The following RBM47 variants were observed in gnomAD, a reference collection of about 807,000 sequenced individuals.
The protein encoded by RBM47 is RNA-binding protein 47.
A neutral mutation model predicts 47.1 loss-of-function variants in RBM47; 21 were observed. The observed-to-expected ratio is 0.45, with a 90% CI of 0.32 to 0.64. The LOEUF is 0.64. Among genes scored for constraint, RBM47 ranks in the 30% least tolerant of loss-of-function variants. RBM47 has a pLI of 0.05. For missense variants in RBM47, 708 were observed against 870.9 expected (o/e 0.81, Z 2.35); for synonymous variants, 375 against 361.7 (o/e 1.04, Z -0.42).
At chr4:40,500,117 C>A (rs1208276980) in intron 2 of RBM47, among the ~76,000 whole-genome samples, 2 of 152,266 alleles carry the variant, frequency 1.3e-5, no homozygotes, top group Non-Finnish European at 2.9e-5. Context: ...GAGTTCGAGA[C>A]CAGCCTCGCC....
At chr4:40,516,538 G>C (rs1725603076) in intron 2 of RBM47, among the ~76,000 whole-genome samples, 1 of 152,170 alleles carries the variant, frequency 6.6e-6, no homozygotes, top group Admixed American at 6.5e-5. Context: ...GGGATTACAG[G>C]CATGAGCCAC....
At chr4:40,549,921 C>T (rs1292102652) in intron 1 of RBM47, among the ~76,000 whole-genome samples, 37 of 152,136 alleles carry the variant, frequency 2.4e-4, no homozygotes, top group Non-Finnish European at 3.5e-4. Flanking sequence ...CCACCCGCCT[C>T]GGCCTCCCAA....
intron 6 of RBM47, among the ~76,000 whole-genome samples, chr4:40,431,425 A>G (rs112178366): frequency 0.12 from 17,663 of 152,084 alleles, 1,344 homozygotes; most frequent in Non-Finnish European, 0.16. Flanking sequence ...TTGGGAGGCC[A>G]AGGTGGGCGG....
intron 6 of RBM47, 41 bp downstream of exon 6, chr4:40,432,610 G>T (rs777351744): frequency 6.2e-7 from 1 of 1,608,586 alleles, no homozygotes. Flanking sequence ...TTAAAGAGAG[G>T]CTTCACACAC....
At chr4:40,462,118 C>A (rs936582380) in intron 3 of RBM47, among the ~76,000 whole-genome samples, 1 of 152,104 alleles carries the variant, frequency 6.6e-6, no homozygotes, top group Admixed American at 6.6e-5. Flanking sequence ...GAGAACAGCG[C>A]CCGTCCAGTG....
At chr4:40,535,371 C>CTTTTTTTTTTTTTTTTTTTTTT (rs1177127352) in intron 2 of RBM47, among the ~76,000 whole-genome samples, 8 of 103,434 alleles carry the variant, frequency 7.7e-5, no homozygotes, top group East Asian at 3.1e-4. Context: ...TATGGTATTT[C>CTTTTTTTTTTTTTTTTTTTTTT]TTTTTTTTTT....
intron 1 of RBM47, among the ~76,000 whole-genome samples, chr4:40,570,522 T>C (rs1272274435): frequency 6.6e-6 from 1 of 151,896 alleles, no homozygotes; most frequent in Non-Finnish European, 1.5e-5. Context: ...GGAACGACTG[T>C]AAATACAGAT....
intron 1 of RBM47, among the ~76,000 whole-genome samples, chr4:40,562,941 C>A (rs1330505853): frequency 1.3e-5 from 2 of 152,204 alleles, no homozygotes; most frequent in Non-Finnish European, 1.5e-5. Flanking sequence ...GCTGTACCCC[C>A]AAAAGGGTCA....
At chr4:40,611,598 G>A (rs928145105) in intron 1 of RBM47, among the ~76,000 whole-genome samples, 39 of 152,044 alleles carry the variant, frequency 2.6e-4, no homozygotes, top group African/African-American at 8.7e-4. Flanking sequence ...GTATCGTGGC[G>A]CATGCCTGTA....
chr4:40,484,993 C>CT (rs368591791), intron 2 of RBM47, among the ~76,000 whole-genome samples: 1,575 of 151,176 alleles, frequency 0.01, 20 homozygotes, highest in East Asian at 0.033. Flanking sequence ...AAGATTGTCT[C>CT]TTTTTTTTTG....
intron 2 of RBM47, among the ~76,000 whole-genome samples, chr4:40,517,031 C>T (rs1725659114): frequency 6.6e-6 from 1 of 152,084 alleles, no homozygotes; most frequent in South Asian, 2.1e-4. Context: ...CCATGAGCAC[C>T]CCTCTTGGGT....
At position 40,628,966 on chromosome 4, in the gene RBM47, T is replaced by G. The variant is rs896317058; in HGVS notation, c.-240+430A>C. ...CCGAGTGTTACTTTCAGACGTAAAT[T>G]ACTGCAGGAAGACCCCCCTCTGCCT... On this transcript the variant is annotated intron_variant, in intron 1 of 6. Coordinates refer to ENST00000295971, the MANE Select transcript of RBM47 (RefSeq NM_001098634.2). The surrounding 1 kb of genome is among the most constrained non-coding windows in gnomAD (Gnocchi z 4.0). 6.6e-6 allele frequency among the ~76,000 whole-genome samples: 1 copy of G among 152,182 alleles called. No individual in the cohort carries two copies. The highest frequency in any genetic ancestry group is 1.5e-5 in the Non-Finnish European group (1 of 68,022).
Position 40,431,462 on chromosome 4 carries a change from T to G in RBM47, c.1542+1189A>C, listed in dbSNP as rs1348781498. Among the ~76,000 whole-genome samples, 3 of 151,994 alleles carry G rather than the reference T, an allele frequency of 2.0e-5. No individual in the cohort carries two copies. The East Asian group carries it at 5.8e-4, about 30-fold the overall frequency. On this transcript the variant is annotated intron_variant, in intron 6 of 6. Transcript: ENST00000295971. ...TCACGAGGTCAGGAGATTGAGACTA[T>G]CCTGGCTGACACGGTGAAACCCCGT... is the stretch of plus-strand genomic sequence containing the variant.
rs762929085 is a variant in RBM47 at position 40,432,726 on chromosome 4, A to G, written c.1467T>C (p.Ala489=). The G allele has an allele frequency of 1.2e-6, 2 of 1,612,160 alleles. No homozygotes were observed. The highest frequency in any genetic ancestry group is 1.3e-5 in the African/African-American group (1 of 74,962). The part of the protein sequence containing the change: ...PIAVQPDPAS[A]AAAAAAAAAA... ...CTGCGGCCGCGGCTGCGGCGGCAGC[A>G]GCACTGGCTGGGTCTGGCTGCACAG... Residue 489 remains alanine, a synonymous_variant, in exon 6 of 7, where the codon GCT becomes GCC. Coordinates refer to ENST00000295971, the MANE Select transcript of RBM47 (RefSeq NM_001098634.2).
At chr4:40,568,916 G>C (rs1731375079) in intron 1 of RBM47, among the ~76,000 whole-genome samples, 1 of 151,800 alleles carries the variant, frequency 6.6e-6, no homozygotes, top group Non-Finnish European at 1.5e-5. Flanking sequence ...GGGAGGCGGA[G>C]GTTACAGTGA....
At chr4:40,482,221 G>A (rs535088962) in intron 2 of RBM47, among the ~76,000 whole-genome samples, 1 of 152,210 alleles carries the variant, frequency 6.6e-6, no homozygotes, top group South Asian at 2.1e-4. Flanking sequence ...CTTCCTGGAG[G>A]AGGTATAACT....
intron 2 of RBM47, among the ~76,000 whole-genome samples, chr4:40,502,370 G>C (rs1167716853): frequency 6.6e-6 from 1 of 152,156 alleles, no homozygotes; most frequent in Non-Finnish European, 1.5e-5. Context: ...GGTCTGAATT[G>C]AAGGGAAGTC....
rs558772170 is a variant in RBM47 at position 40,509,954 on chromosome 4, A to AG, written c.-155+34467dup. ...GTAATCCCAGCACTTTGGGAGGCTG[A>AG]GGGGGGGTGGGTCACTTGAGGTCAG... On this transcript the variant is annotated intron_variant, in intron 2 of 6. Coordinates refer to ENST00000295971, the MANE Select transcript of RBM47 (RefSeq NM_001098634.2). Among the ~76,000 whole-genome samples the AG allele has an allele frequency of 2.4e-3, 364 of 151,318 alleles. 2 individuals are homozygous for AG. The highest frequency in any genetic ancestry group is 6.4e-3 in the African/African-American group (264 of 41,264).
chr4:40,588,572 GAGAGCCT>G (rs1733815164), intron 1 of RBM47, among the ~76,000 whole-genome samples: 1 of 152,178 alleles, frequency 6.6e-6, no homozygotes. Flanking sequence ...TGACAGGGAT[GAGAGCCT>G]AGAAGGTATG....
Sources: allele counts gnomAD v4.1 joint callset (sites outside exome capture counted in the v4.1 genomes callset), GRCh38; gene constraint gnomAD v4.1.1; non-coding constraint Gnocchi (gnomAD v3.1); transcripts MANE v1.5; gene names NCBI Gene and HGNC (gene_info 2026-07-23, HGNC 2026-07-21).